RPS6KA6: variants seen among roughly 807,000 people sequenced by gnomAD.
RPS6KA6 encodes the protein ribosomal protein S6 kinase A6, also known as ribosomal protein S6 kinase alpha-6.
In RPS6KA6, 27 loss-of-function variants were observed where a neutral mutation model predicts 65.4. The ratio of observed to expected loss-of-function variants is 0.41; its 90% CI spans 0.30 to 0.57. The LOEUF is 0.57. Among genes scored for constraint, RPS6KA6 ranks in the 20% least tolerant of loss-of-function variants. The pLI is 0.24. For synonymous variants in RPS6KA6, 190 were observed against 184.2 expected, an observed-to-expected ratio of 1.03 and a Z score of -0.26; for missense variants, 486 against 555.6, an observed-to-expected ratio of 0.87 and a Z score of 1.26.
chrX:84,162,028 A>C (rs1257234836), intron 2 of RPS6KA6, among the ~76,000 whole-genome samples: 1 of 111,725 alleles, frequency 9.0e-6, no homozygotes, highest in Non-Finnish European at 1.9e-5. Context: ...GCTTATTTTG[A>C]CAACAAATAA....
chrX:84,074,673 A>C (rs2033620808), intron 20 of RPS6KA6, among the ~76,000 whole-genome samples: 1 of 111,736 alleles, frequency 8.9e-6, no homozygotes, highest in Admixed American at 9.5e-5. Context: ...ATAAATCTTA[A>C]GAAAAACAAA....
chrX:84,099,620 A>AT (rs2034222373), intron 18 of RPS6KA6, among the ~76,000 whole-genome samples: 1 of 111,456 alleles, frequency 9.0e-6, no homozygotes, highest in African/African-American at 3.2e-5. Context: ...CAGACACAGT[A>AT]TCCCTCAACT....
chrX:84,101,854 T>C (rs779223966), intron 18 of RPS6KA6, among the ~76,000 whole-genome samples, 183 bp downstream of exon 18: 3 of 111,204 alleles, frequency 2.7e-5, no homozygotes, highest in Non-Finnish European at 5.7e-5. Flanking sequence ...TGGTTTTAGA[T>C]GCTAGTTACC....
At chrX:84,152,513 TTTC>T (rs2035344994) in intron 3 of RPS6KA6, among the ~76,000 whole-genome samples, 1 of 88,329 alleles carries the variant, frequency 1.1e-5, no homozygotes, top group Non-Finnish European at 2.7e-5. Context: ...CTGTGATCTA[TTTC>T]TTTTTTCCTA....
intron 18 of RPS6KA6, among the ~76,000 whole-genome samples, chrX:84,100,567 T>C (rs984110327): frequency 1.8e-5 from 2 of 110,935 alleles, no homozygotes; most frequent in Admixed American, 9.6e-5. Context: ...TCTGCTCTTA[T>C]GTCTACTGTA....
chrX:84,162,741 T>C (rs1367339693), intron 2 of RPS6KA6, among the ~76,000 whole-genome samples: 2 of 112,041 alleles, frequency 1.8e-5, no homozygotes, highest in Non-Finnish European at 3.8e-5. Context: ...CTTCTCCTTC[T>C]CCACTGCCTT....
chrX:84,126,223 A>C (rs934852058), intron 8 of RPS6KA6, among the ~76,000 whole-genome samples: 7 of 111,613 alleles, frequency 6.3e-5, no homozygotes, highest in African/African-American at 2.3e-4. Context: ...ATAGATTTGA[A>C]GGCAAAAATT....
At position 84,117,133 on chromosome X, in the gene RPS6KA6, C is replaced by T; in HGVS notation, c.876G>A (p.Met292Ile). 8.4e-7 allele frequency: 1 copy of T among 1,186,694 alleles called. No homozygotes were observed. The highest frequency in any genetic ancestry group is 1.1e-6 in the Non-Finnish European group (1 of 879,715). Residue 292 changes from methionine to isoleucine, a missense_variant, in exon 11 of 22, where the codon ATG becomes ATA. Transcript: ENST00000262752. ...MNMILKAKLGMPQFLSAEAQS... is the reference protein window; with the variant it reads ...MNMILKAKLGIPQFLSAEAQS... ...GTGCTTCAGCACTAAGAAATTGAGG[C>T]ATTCCAAGTTTTGCTCTGAAACAGA... is the stretch of plus-strand genomic sequence containing the variant.
In RPS6KA6 at chrX:84,104,619, A is replaced by G. The variant is rs1851804921; in HGVS notation, c.1494T>C (p.Asp498=). ...CAAGTAACTCTCCTCCTTTCATTAAATCCGTAACAAGGTAAACATATCTAC... is the reference window on the plus strand; with the variant it reads ...CAAGTAACTCTCCTCCTTTCATTAAGTCCGTAACAAGGTAAACATATCTAC... ...DDGRYVYLVT[D]LMKGGELLDR... is the part of the protein sequence containing the mutation. The change falls in exon 17 of 22, where the codon GAT becomes GAC. Residue 498 remains aspartate (D), a synonymous_variant. Transcript: ENST00000262752. 8.5e-7 allele frequency: 1 copy of G among 1,177,381 alleles called. No homozygotes were observed. The highest frequency in any genetic ancestry group is 1.8e-5 in the African/African-American group (1 of 56,909).
At chrX:84,111,261 C>T (rs1490873410) in intron 12 of RPS6KA6, among the ~76,000 whole-genome samples, 1 of 110,895 alleles carries the variant, frequency 9.0e-6, no homozygotes, top group Non-Finnish European at 1.9e-5. Context: ...GTTTGGAAAG[C>T]ATAATTGAGG....
intron 3 of RPS6KA6, among the ~76,000 whole-genome samples, chrX:84,150,802 G>GAGAGGATATATATAGGATATAGATATAT (rs1569235311): frequency 1.0e-5 from 1 of 96,739 alleles, no homozygotes; most frequent in African/African-American, 3.6e-5. Flanking sequence ...AGAATATATA[G>GAGAGGATATATATAGGATATAGATATAT]AGAGGATATA....
intron 1 of RPS6KA6, among the ~76,000 whole-genome samples, chrX:84,185,168 G>A (rs1422082276): frequency 1.8e-5 from 2 of 111,265 alleles, no homozygotes; most frequent in Non-Finnish European, 3.8e-5. Context: ...CTGCGTGAGG[G>A]GTGATGCCCT....
upstream of RPS6KA6, among the ~76,000 whole-genome samples, chrX:84,188,274 C>G (rs1484258330): frequency 9.0e-6 from 1 of 110,987 alleles, no homozygotes; most frequent in Non-Finnish European, 1.9e-5. Context: ...GCGGCGTTAC[C>G]TGTGCGGCGC....
At chrX:84,112,839 A>G (rs373459025) in intron 12 of RPS6KA6, among the ~76,000 whole-genome samples, 8 of 111,703 alleles carry the variant, frequency 7.2e-5, no homozygotes, top group Non-Finnish European at 1.5e-4. Flanking sequence ...ATAAAATGAG[A>G]TTGCGACCAA....
chrX:84,131,426 T>A (rs1342069295), intron 8 of RPS6KA6, among the ~76,000 whole-genome samples: 1 of 112,478 alleles, frequency 8.9e-6, no homozygotes, highest in Non-Finnish European at 1.9e-5. Context: ...ATGTTCTCTC[T>A]GTATACTGAA....
chrX:84,165,792 A>C (rs777912574), intron 1 of RPS6KA6, among the ~76,000 whole-genome samples: 7 of 110,993 alleles, frequency 6.3e-5, no homozygotes, highest in African/African-American at 2.3e-4. Flanking sequence ...TTTTTTTTGC[A>C]CTCTCTTCTT....
At position 84,146,972 on chromosome X, in the gene RPS6KA6, A is replaced by G; in HGVS notation, c.421+6T>C. ...ATAAATAAAAGAATAAAAAAAGATT[A>G]CATACCATAGTGCAATTTGACAATA... On this transcript the variant is annotated splice_donor_region_variant and intron_variant, in intron 5 of 21. Transcript: ENST00000262752. The G allele has an allele frequency of 9.6e-7, 1 of 1,042,748 alleles. No homozygotes were observed. Among genetic ancestry groups the G allele is most frequent in the Non-Finnish European group, 1.3e-6 (1 of 754,813 alleles). 85.9% of individuals were successfully genotyped at this position (1,042,748 alleles called of 1,213,427 possible). A position where few individuals can be genotyped will look rare whatever the true frequency, so the allele number is the denominator to read the frequency against.
chrX:84,159,795 C>T (rs1185627035), intron 2 of RPS6KA6, among the ~76,000 whole-genome samples: 1 of 110,405 alleles, frequency 9.1e-6, no homozygotes, highest in Non-Finnish European at 1.9e-5. Flanking sequence ...AAAATGAGGC[C>T]ATATGGGTGG....
chrX:84,070,525 C>T (rs986028762), intron 20 of RPS6KA6, among the ~76,000 whole-genome samples: 4 of 110,428 alleles, frequency 3.6e-5, no homozygotes, highest in South Asian at 3.9e-4. Context: ...CAAACCTGCA[C>T]GTTCTGCACA....
Sources: gnomAD v4.1 joint callset for allele counts (sites outside exome capture counted in the v4.1 genomes callset) on GRCh38, gnomAD v4.1.1 for gene constraint, MANE v1.5 for transcripts, NCBI Gene and HGNC (gene_info 2026-07-23, HGNC 2026-07-21) for gene names.